Variants in STAB2 observed in about 807,000 individuals in gnomAD.
The protein encoded by STAB2 is stabilin 2.
STAB2 carries 288 observed loss-of-function variants against 338.1 expected under a neutral mutation model. That is an observed-to-expected ratio of 0.85 (90% CI 0.77 to 0.94). STAB2 has a LOEUF of 0.94. Ranked by LOEUF, STAB2 falls within the 40% of genes least tolerant of loss-of-function variation. The pLI is 0.00. For synonymous variants in STAB2, 1,202 were observed against 1,193.3 expected, an observed-to-expected ratio of 1.01 and a Z score of -0.15; for missense variants, 3,141 against 3,210.1, an observed-to-expected ratio of 0.98 and a Z score of 0.52.
intron 28 of STAB2, among the ~76,000 whole-genome samples, chr12:103,688,937 G>A (rs1313478506): frequency 6.6e-6 from 1 of 152,086 alleles, no homozygotes; most frequent in African/African-American, 2.4e-5. Flanking sequence ...AGTCATTTTG[G>A]TATCTTGAAA....
intron 45 of STAB2, 152 bp downstream of exon 45, chr12:103,725,246 T>C: frequency 1.6e-6 from 2 of 1,285,290 alleles, no homozygotes; most frequent in Admixed American, 5.1e-5. Context: ...TGAAAAGAAA[T>C]TTTGTCTTCC....
chr12:103,720,072 G>T (rs1418964623), intron 44 of STAB2, among the ~76,000 whole-genome samples: 1 of 152,204 alleles, frequency 6.6e-6, no homozygotes, highest in Non-Finnish European at 1.5e-5. Flanking sequence ...CTCCTCAAGA[G>T]ATCAATGTCC....
intron 16 of STAB2, 116 bp downstream of exon 16, chr12:103,660,500 C>A (rs973270030): frequency 4.4e-6 from 6 of 1,371,350 alleles, no homozygotes; most frequent in African/African-American, 4.3e-5. Flanking sequence ...TCTGAATAAA[C>A]CCTCAGCCAT....
intron 23 of STAB2, among the ~76,000 whole-genome samples, chr12:103,675,266 A>C (rs1335719300): frequency 6.6e-6 from 1 of 152,212 alleles, no homozygotes; most frequent in African/African-American, 2.4e-5. Flanking sequence ...CTTTAATAGT[A>C]AAAGTGTCAT....
chr12:103,748,866 C>A, intron 58 of STAB2, 97 bp from the exon 59 acceptor site: 1 of 1,330,940 alleles, frequency 7.5e-7, no homozygotes. Flanking sequence ...CATTTACTCA[C>A]CCAACACCAC....
At chr12:103,705,800 A>G (rs938782921) in intron 37 of STAB2, 73 bp downstream of exon 37, 1 of 1,430,412 alleles carries the variant, frequency 7.0e-7, no homozygotes, top group Admixed American at 1.7e-5. Context: ...TATCCTTTTC[A>G]AAATCCCTGT....
chr12:103,677,601 G>T lies in STAB2; in HGVS notation c.2795G>T (p.Gly932Val). ...GACAACGCATCCTGTTTGTATGTGG[G>T]TCCCGGGCAGGTAGGTTGGATGTCA... ...CHDNASCLYVGPGQNECECKK... is the reference protein window; with the variant it reads ...CHDNASCLYVVPGQNECECKK... Residue 932 changes from glycine (G) to valine (V), a missense_variant, in exon 25 of 69, where the codon GGT (glycine) becomes GTT (valine). Gly to Val is a moderately radical substitution (Grantham distance 109). Transcript: ENST00000388887. 1 of 1,612,102 alleles carries T rather than the reference G, an allele frequency of 6.2e-7. No homozygotes were observed.
chr12:103,737,877 T>C, intron 53 of STAB2, 97 bp downstream of exon 53: 1 of 1,492,928 alleles, frequency 6.7e-7, no homozygotes, highest in South Asian at 1.4e-5. Flanking sequence ...ATTAAGGGCC[T>C]GTCCTCAGCA....
chr12:103,696,165 T>G (rs953568210), intron 33 of STAB2, among the ~76,000 whole-genome samples: 3 of 152,130 alleles, frequency 2.0e-5, no homozygotes, highest in Non-Finnish European at 2.9e-5. Context: ...TTGGCCTGTT[T>G]AGGATCTATC....
chr12:103,674,980 A>C (rs1241888429), intron 23 of STAB2, among the ~76,000 whole-genome samples: 3 of 152,196 alleles, frequency 2.0e-5, no homozygotes, highest in Admixed American at 2.0e-4. Context: ...AAACCTATGA[A>C]ATCATCCACA....
intron 3 of STAB2, among the ~76,000 whole-genome samples, chr12:103,600,636 C>T (rs1208484724): frequency 6.6e-6 from 1 of 152,210 alleles, no homozygotes; most frequent in Non-Finnish European, 1.5e-5. Flanking sequence ...CAGGCCATAA[C>T]AATAAGTATT....
intron 3 of STAB2, among the ~76,000 whole-genome samples, chr12:103,604,306 G>A (rs138601632): frequency 0.011 from 1,697 of 152,174 alleles, 44 homozygotes; most frequent in African/African-American, 0.038. Context: ...ACTCATTGGG[G>A]ATGTTGGTGT....
intron 18 of STAB2, among the ~76,000 whole-genome samples, chr12:103,665,088 T>A (rs1448327482): frequency 6.6e-6 from 1 of 152,236 alleles, no homozygotes; most frequent in Non-Finnish European, 1.5e-5. Flanking sequence ...TCCTAATAGC[T>A]GCCTTAGAAT....
chr12:103,749,833 C>T, intron 59 of STAB2, among the ~76,000 whole-genome samples: 1 of 67,694 alleles, frequency 1.5e-5, no homozygotes, highest in Non-Finnish European at 2.7e-5. Context: ...GAGCAAGACT[C>T]TGTCTCACAA....
At position 103,638,034 on chromosome 12, in the gene STAB2, G is replaced by A. The variant is rs115145720; in HGVS notation, c.728G>A (p.Arg243Gln). Residue 243 changes from arginine (R) to glutamine (Q), a missense_variant, in exon 8 of 69, where the codon CGA (arginine) becomes CAA (glutamine). Arg to Gln is a conservative substitution (Grantham distance 43). Transcript: ENST00000388887. ...TCTCAAGCCATCAATCCATGTTTAC[G>A]AAAAATCTGCCACCCTCATGCTCAT... ...KYCDPINPCLRKICHPHAHCT... is the reference protein window; with the variant it reads ...KYCDPINPCLQKICHPHAHCT... 932 of 1,611,094 alleles carry A rather than the reference G, an allele frequency of 5.8e-4. 5 individuals are homozygous for A. In the African/African-American group the frequency reaches 0.01, roughly 18 times the overall value.
intron 5 of STAB2, among the ~76,000 whole-genome samples, chr12:103,626,904 AG>A (rs1321329310): frequency 6.6e-6 from 1 of 152,218 alleles, no homozygotes; most frequent in African/African-American, 2.4e-5. Flanking sequence ...CAGCCTGCTC[AG>A]TGCCTCCTTC....
At chr12:103,666,268 T>G in intron 18 of STAB2, 23 bp from the exon 19 acceptor site, 1 of 1,613,362 alleles carries the variant, frequency 6.2e-7, no homozygotes, top group Non-Finnish European at 8.5e-7. Flanking sequence ...ACACCTGCAC[T>G]GACCTCCTGT....
At chr12:103,692,333 T>C (rs1004468632) in intron 30 of STAB2, among the ~76,000 whole-genome samples, 4 of 152,184 alleles carry the variant, frequency 2.6e-5, no homozygotes, top group Admixed American at 1.3e-4. Context: ...GTGAAGACCC[T>C]GTCTGTAAAG....
At position 103,686,104 on chromosome 12, in the gene STAB2, G is replaced by T. The variant is rs1877408699; in HGVS notation, c.2997+1020G>T. ...TGCTTATAAATATTTGTCAAAATGA[G>T]AAAGTCAATTGACAAATTTCCTCAT... On this transcript the variant is annotated intron_variant, in intron 27 of 68. Coordinates refer to ENST00000388887, the MANE Select transcript of STAB2 (RefSeq NM_017564.10). Among the ~76,000 whole-genome samples the T allele has an allele frequency of 2.0e-5, 3 of 152,254 alleles. No homozygotes were observed. The East Asian group carries it at 5.8e-4, about 29-fold the overall frequency.
Sources: allele counts gnomAD v4.1 joint callset (sites outside exome capture counted in the v4.1 genomes callset), GRCh38; gene constraint gnomAD v4.1.1; transcripts MANE v1.5; gene names NCBI Gene and HGNC (gene_info 2026-07-23, HGNC 2026-07-21).